Variants in WDR20 observed in about 807,000 individuals in gnomAD.
WDR20 encodes WD repeat-containing protein 20.
WDR20 carries 3 observed loss-of-function variants against 38.7 expected under a neutral mutation model. The ratio of observed to expected loss-of-function variants is 0.08; its 90% CI spans 0.04 to 0.20. The LOEUF (loss-of-function observed/expected upper bound fraction) is 0.20. Ranked by LOEUF, WDR20 falls within the 10% of genes least tolerant of loss-of-function variation. The pLI is 1.00. For synonymous variants in WDR20, 298 were observed against 285.6 expected (o/e 1.04, Z -0.44); for missense variants, 559 against 727.7 (o/e 0.77, Z 2.67).
At chr14:102,142,532 C>T (rs1267799403) in intron 1 of WDR20, among the ~76,000 whole-genome samples, 1 of 152,060 alleles carries the variant, frequency 6.6e-6, no homozygotes, top group Non-Finnish European at 1.5e-5. Flanking sequence ...TCGTTCACTA[C>T]AGCCTCAAAC....
At chr14:102,215,875 A>C (rs1489353631), downstream of WDR20, among the ~76,000 whole-genome samples, 1 of 152,158 alleles carries the variant, frequency 6.6e-6, no homozygotes, top group Non-Finnish European at 1.5e-5. Context: ...TTGACAGACG[A>C]CGTAGCTGAT....
chr14:102,161,096 G>T (rs1313289441), intron 1 of WDR20, among the ~76,000 whole-genome samples: 1 of 115,154 alleles, frequency 8.7e-6, no homozygotes, highest in Non-Finnish European at 1.7e-5. Context: ...ATTTCCAGTG[G>T]ATACACTGGG....
intron 1 of WDR20, among the ~76,000 whole-genome samples, chr14:102,185,919 T>C (rs1251202993): frequency 6.6e-6 from 1 of 152,196 alleles, no homozygotes; most frequent in Non-Finnish European, 1.5e-5. Context: ...TTCAGAATTG[T>C]TTCCTTTCTG....
At chr14:102,158,769 C>T (rs533613443) in intron 1 of WDR20, among the ~76,000 whole-genome samples, 1 of 152,208 alleles carries the variant, frequency 6.6e-6, no homozygotes, top group East Asian at 1.9e-4. Flanking sequence ...GGATGCCTTC[C>T]CTTCTATTTT....
intron 1 of WDR20, among the ~76,000 whole-genome samples, chr14:102,152,384 T>G (rs1210076): frequency 0.66 from 100,017 of 151,668 alleles, 36,326 homozygotes; most frequent in East Asian, 0.92. Context: ...TATGGATAAT[T>G]ATGGATATTG....
intron 2 of WDR20, among the ~76,000 whole-genome samples, chr14:102,200,467 T>TGTG (rs1555400555): frequency 0.014 from 1,649 of 117,650 alleles, 20 homozygotes; most frequent in African/African-American, 0.031. Context: ...ATTTTTTTTT[T>TGTG]TGTGTGTGTG....
intron 1 of WDR20, among the ~76,000 whole-genome samples, chr14:102,160,768 C>T (rs1161828243): frequency 6.6e-6 from 1 of 151,228 alleles, no homozygotes; most frequent in African/African-American, 2.4e-5. Flanking sequence ...CGGTGAAACC[C>T]CGTCTCTACT....
chr14:102,160,640 C>T (rs1343564766), intron 1 of WDR20, among the ~76,000 whole-genome samples: 3 of 151,942 alleles, frequency 2.0e-5, no homozygotes, highest in Non-Finnish European at 4.4e-5. Flanking sequence ...ATTGATGATC[C>T]CTTTAAAAAA....
At chr14:102,198,258 A>C (rs1280118500) in intron 2 of WDR20, 6 of 319,966 alleles carry the variant, frequency 1.9e-5, no homozygotes, top group Admixed American at 3.9e-5. Context: ...CCACCCAAGT[A>C]CCTGGGATTA....
chr14:102,189,139 G>A (rs1248453436), intron 1 of WDR20, among the ~76,000 whole-genome samples: 1 of 151,990 alleles, frequency 6.6e-6, no homozygotes, highest in African/African-American at 2.4e-5. Flanking sequence ...GAACCCGGGA[G>A]GCAGAGGTCG....
intron 2 of WDR20, among the ~76,000 whole-genome samples, chr14:102,205,495 T>C (rs1422101723): frequency 1.3e-5 from 2 of 152,202 alleles, no homozygotes; most frequent in Non-Finnish European, 2.9e-5. Flanking sequence ...GAATTAATAA[T>C]GTATTACCCA....
chr14:102,147,420 A>G (rs1328717204), intron 1 of WDR20, among the ~76,000 whole-genome samples: 2 of 152,202 alleles, frequency 1.3e-5, no homozygotes, highest in Non-Finnish European at 2.9e-5. Flanking sequence ...GATATGAGCA[A>G]TGGTGAGAAG....
At chr14:102,179,428 AT>A (rs58963288) in intron 1 of WDR20, among the ~76,000 whole-genome samples, 4,010 of 102,726 alleles carry the variant, frequency 0.039, 179 homozygotes, top group African/African-American at 0.11. Context: ...TTTTTAAAGT[AT>A]TTTTTTTTTT....
At chr14:102,182,534 A>G (rs549261808) in intron 1 of WDR20, among the ~76,000 whole-genome samples, 7 of 152,182 alleles carry the variant, frequency 4.6e-5, no homozygotes, top group African/African-American at 1.7e-4. Flanking sequence ...ATTCCCATTC[A>G]TGCATTTGCT....
chr14:102,143,768 C>G (rs1450232025), intron 1 of WDR20, among the ~76,000 whole-genome samples: 2 of 151,984 alleles, frequency 1.3e-5, no homozygotes, highest in Non-Finnish European at 2.9e-5. Flanking sequence ...TGGTCTCGAA[C>G]TCCTGACCTC....
rs138103509 is a variant in WDR20 at position 102,188,790 on chromosome 14, T to A, written c.250-6148T>A. Among the ~76,000 whole-genome samples, 673 of 150,128 alleles carry A rather than the reference T, an allele frequency of 4.5e-3. 6 individuals are homozygous for A. The highest frequency in any genetic ancestry group is 0.015 in the African/African-American group (624 of 40,606). The stretch of plus-strand genomic sequence containing the variant: ...TGAGAGGCTGAGGCAGGAGAATCAG[T>A]TGAGCCCAGGAAGTTGAGGCTGTAG... On this transcript the variant is annotated intron_variant, in intron 1 of 2. Coordinates refer to ENST00000342702, the MANE Select transcript of WDR20 (RefSeq NM_144574.4).
intron 2 of WDR20, among the ~76,000 whole-genome samples, chr14:102,200,519 C>G (rs955942618): frequency 4.8e-5 from 7 of 144,976 alleles, no homozygotes; most frequent in Admixed American, 2.8e-4. Flanking sequence ...TTCACTCTGC[C>G]CTGTTCTGAA....
At chr14:102,199,909 T>A (rs1158565770) in intron 2 of WDR20, among the ~76,000 whole-genome samples, 5 of 152,188 alleles carry the variant, frequency 3.3e-5, no homozygotes, top group African/African-American at 1.2e-4. Context: ...AAGCATCACC[T>A]CTAAACCGTG....
chr14:102,154,214 C>G (rs959829091), intron 1 of WDR20, among the ~76,000 whole-genome samples: 6 of 152,200 alleles, frequency 3.9e-5, no homozygotes, highest in African/African-American at 1.4e-4. Flanking sequence ...GTCTTAGTCT[C>G]TCAGACTACT....
Sources: allele counts gnomAD v4.1 joint callset (sites outside exome capture counted in the v4.1 genomes callset), GRCh38; gene constraint gnomAD v4.1.1; transcripts MANE v1.5; gene names NCBI Gene and HGNC (gene_info 2026-07-23, HGNC 2026-07-21).